The following THSD7B variants were observed in gnomAD, a reference collection of about 807,000 sequenced individuals.
THSD7B encodes thrombospondin type 1 domain containing 7B.
A neutral mutation model predicts 213.6 loss-of-function variants in THSD7B; 138 were observed. That is an observed-to-expected ratio of 0.65 (90% CI 0.56 to 0.74). THSD7B has a LOEUF of 0.74. Ranked by LOEUF, THSD7B falls within the 30% of genes least tolerant of loss-of-function variation. The pLI, the probability that THSD7B is intolerant of heterozygous loss-of-function variation, is 0.00. For missense variants in THSD7B, 1,931 were observed against 1,991.5 expected (o/e 0.97, Z 0.58); for synonymous variants, 742 against 687.0 (o/e 1.08, Z -1.25).
At chr2:137,131,338 A>G (rs1235021576) in intron 5 of THSD7B, among the ~76,000 whole-genome samples, 1 of 151,858 alleles carries the variant, frequency 6.6e-6, no homozygotes, top group African/African-American at 2.4e-5. Context: ...TTGCCTGCTC[A>G]CTCTGATGAT....
intron 20 of THSD7B, among the ~76,000 whole-genome samples, chr2:137,627,000 G>A (rs1682644423): frequency 6.6e-6 from 1 of 152,170 alleles, no homozygotes; most frequent in African/African-American, 2.4e-5. Flanking sequence ...TAATGATTCT[G>A]GTGCCTGGAA....
intron 5 of THSD7B, among the ~76,000 whole-genome samples, chr2:137,155,365 A>G (rs1001103422): frequency 2.6e-5 from 4 of 152,222 alleles, no homozygotes; most frequent in African/African-American, 9.6e-5. Context: ...GGGATAGCAC[A>G]GACCTGCTCC....
intron 14 of THSD7B, among the ~76,000 whole-genome samples, chr2:137,417,139 T>G (rs1686816964): frequency 6.6e-6 from 1 of 152,162 alleles, no homozygotes; most frequent in Non-Finnish European, 1.5e-5. Context: ...CAAAGCAAAA[T>G]AATCATCATA....
At chr2:136,811,205 C>A (rs1682369435) in intron 1 of THSD7B, among the ~76,000 whole-genome samples, 1 of 152,156 alleles carries the variant, frequency 6.6e-6, no homozygotes, top group African/African-American at 2.4e-5. Context: ...TCCGGGATTT[C>A]CCCCTTCTGG....
chr2:136,847,506 A>G (rs1013097536), intron 1 of THSD7B, among the ~76,000 whole-genome samples: 8 of 152,162 alleles, frequency 5.3e-5, no homozygotes, highest in African/African-American at 1.7e-4. Context: ...TGGCTTTCTG[A>G]TAAAGTCCTT....
chr2:137,346,936 T>G (rs1163937714), intron 12 of THSD7B, among the ~76,000 whole-genome samples: 1 of 151,722 alleles, frequency 6.6e-6, no homozygotes, highest in Non-Finnish European at 1.5e-5. Flanking sequence ...TTATTTCAAA[T>G]AAATACATAG....
intron 20 of THSD7B, among the ~76,000 whole-genome samples, chr2:137,637,963 G>C (rs1324626985): frequency 6.6e-6 from 1 of 152,188 alleles, no homozygotes; most frequent in Non-Finnish European, 1.5e-5. Context: ...AAAACTTGAA[G>C]AGTATTTAAG....
At chr2:136,870,168 T>G (rs1683409337) in intron 1 of THSD7B, among the ~76,000 whole-genome samples, 2 of 152,234 alleles carry the variant, frequency 1.3e-5, no homozygotes, top group African/African-American at 4.8e-5. Flanking sequence ...CCTGTGTGTT[T>G]GTATGTATGC....
chr2:136,793,870 G>T (rs915808324), intron 1 of THSD7B, among the ~76,000 whole-genome samples: 11 of 151,610 alleles, frequency 7.3e-5, no homozygotes, highest in Middle Eastern at 3.4e-3. Flanking sequence ...TTCCTTAAAT[G>T]TTGGGAGGCA....
chr2:137,005,024 AAAAC>A (rs1314285592), intron 2 of THSD7B, among the ~76,000 whole-genome samples: 4 of 152,356 alleles, frequency 2.6e-5, no homozygotes, highest in Admixed American at 2.0e-4. Flanking sequence ...ATAATTTTAT[AAAAC>A]AAACATAGTC....
chr2:136,814,073 T>G (rs1194139081), intron 1 of THSD7B, among the ~76,000 whole-genome samples: 1 of 152,178 alleles, frequency 6.6e-6, no homozygotes, highest in African/African-American at 2.4e-5. Context: ...GAACCACCAG[T>G]TGGGAACTTT....
At chr2:136,766,292 T>C (rs1274978644) in intron 1 of THSD7B, among the ~76,000 whole-genome samples, 1 of 151,936 alleles carries the variant, frequency 6.6e-6, no homozygotes, top group Non-Finnish European at 1.5e-5. Context: ...CAGGAGGCTG[T>C]AGCAACAGTT....
chr2:137,347,961 C>G (rs1018401274), intron 12 of THSD7B, among the ~76,000 whole-genome samples: 1 of 149,122 alleles, frequency 6.7e-6, no homozygotes, highest in African/African-American at 2.5e-5. Flanking sequence ...TAATTTGGGC[C>G]TCATTTTCAA....
At chr2:137,586,622 T>C (rs4423654) in intron 17 of THSD7B, among the ~76,000 whole-genome samples, 32,900 of 152,132 alleles carry the variant, frequency 0.22, 3,719 homozygotes, top group Middle Eastern at 0.32. Flanking sequence ...TATGAAATTC[T>C]GGGTTGAAAA....
chr2:136,827,910 T>C (rs1682683845), intron 1 of THSD7B, among the ~76,000 whole-genome samples: 1 of 152,096 alleles, frequency 6.6e-6, no homozygotes, highest in Non-Finnish European at 1.5e-5. Flanking sequence ...ACCTATTTGC[T>C]CATTCAGGGA....
intron 15 of THSD7B, among the ~76,000 whole-genome samples, chr2:137,476,727 A>G (rs1688202223): frequency 6.6e-6 from 1 of 152,010 alleles, no homozygotes; most frequent in African/African-American, 2.4e-5. Flanking sequence ...TTTAGTAGAG[A>G]CGGGGTTTTA....
At chr2:136,809,211 G>A (rs1266949584) in intron 1 of THSD7B, among the ~76,000 whole-genome samples, 1 of 152,206 alleles carries the variant, frequency 6.6e-6, no homozygotes, top group Non-Finnish European at 1.5e-5. Context: ...GTTGGCAGGG[G>A]AGAGTAGGGG....
intron 2 of THSD7B, among the ~76,000 whole-genome samples, chr2:136,989,174 A>G (rs1156239006): frequency 5.3e-5 from 8 of 152,208 alleles, no homozygotes; most frequent in Admixed American, 5.2e-4. Flanking sequence ...TAGAAGGAAG[A>G]GCAAATGCCA....
chr2:136,975,260 A>G (rs1333834383), intron 2 of THSD7B, among the ~76,000 whole-genome samples: 1 of 152,164 alleles, frequency 6.6e-6, no homozygotes, highest in Non-Finnish European at 1.5e-5. Flanking sequence ...TTTTCATCAT[A>G]AAATCTTTGC....
Sources: gnomAD v4.1 joint callset for allele counts (sites outside exome capture counted in the v4.1 genomes callset) on GRCh38, gnomAD v4.1.1 for gene constraint, MANE v1.5 for transcripts, NCBI Gene and HGNC (gene_info 2026-07-23, HGNC 2026-07-21) for gene names.